Variants in IL1RAPL1 observed in about 807,000 individuals in gnomAD.
IL1RAPL1 encodes the protein interleukin-1 receptor accessory protein-like 1.
A neutral mutation model predicts 48.4 loss-of-function variants in IL1RAPL1; 3 were observed. The ratio of observed to expected loss-of-function variants is 0.06; its 90% CI spans 0.03 to 0.16. The LOEUF (loss-of-function observed/expected upper bound fraction) is 0.16. IL1RAPL1 is among the 10% of genes least tolerant of loss of function. IL1RAPL1 has a pLI of 1.00. For missense variants in IL1RAPL1, 349 were observed against 530.6 expected (o/e 0.66, Z 3.36); for synonymous variants, 185 against 187.7 (o/e 0.99, Z 0.12).
At chrX:29,577,366 C>A (rs1922810888) in intron 5 of IL1RAPL1, among the ~76,000 whole-genome samples, 1 of 111,558 alleles carries the variant, frequency 9.0e-6, no homozygotes, top group South Asian at 3.8e-4. Flanking sequence ...CAATGCCCTA[C>A]CCAAGCCTGT....
chrX:29,688,703 C>T (rs1165740765), intron 6 of IL1RAPL1, among the ~76,000 whole-genome samples: 1 of 107,330 alleles, frequency 9.3e-6, no homozygotes, highest in Non-Finnish European at 1.9e-5. Flanking sequence ...AACAAGACCC[C>T]TCATTCAATA....
At chrX:29,905,292 A>C (rs1932586293) in intron 6 of IL1RAPL1, among the ~76,000 whole-genome samples, 1 of 110,285 alleles carries the variant, frequency 9.1e-6, no homozygotes, top group African/African-American at 3.3e-5. Context: ...GGGTAGATTG[A>C]ACTTTCTCCC....
intron 5 of IL1RAPL1, among the ~76,000 whole-genome samples, chrX:29,460,439 T>C (rs1934789637): frequency 8.9e-6 from 1 of 112,182 alleles, no homozygotes; most frequent in South Asian, 3.7e-4. Context: ...AATTTCTTCC[T>C]GCAACTATTG....
intron 2 of IL1RAPL1, among the ~76,000 whole-genome samples, chrX:28,897,930 G>A (rs1477885342): frequency 9.0e-6 from 1 of 111,185 alleles, no homozygotes; most frequent in South Asian, 3.8e-4. Flanking sequence ...GGTGCTCAGT[G>A]GGGGAGCTTT....
intron 5 of IL1RAPL1, among the ~76,000 whole-genome samples, chrX:29,665,215 TGTGA>T (rs1925966602): frequency 8.9e-6 from 1 of 112,513 alleles, no homozygotes; most frequent in Non-Finnish European, 1.9e-5. Flanking sequence ...GATTTCCATT[TGTGA>T]GTGAGTGTGC....
chrX:28,912,023 C>T (rs957820302), intron 2 of IL1RAPL1, among the ~76,000 whole-genome samples: 1 of 103,554 alleles, frequency 9.7e-6, no homozygotes, highest in East Asian at 3.0e-4. Flanking sequence ...CAATAACATA[C>T]GAGATGGTAG....
At chrX:29,265,126 T>G (rs986011695) in intron 2 of IL1RAPL1, among the ~76,000 whole-genome samples, 2 of 110,931 alleles carry the variant, frequency 1.8e-5, no homozygotes, top group African/African-American at 3.3e-5. Flanking sequence ...TTGGTCAGGC[T>G]GGTCTCGAAC....
Position 29,929,686 on chromosome X carries a change from T to C in IL1RAPL1, c.1057+9592T>C, listed in dbSNP as rs75873672. ...CGACTTACAATGGTTGCCAAATTCA[T>C]GCAAACTAAAGTGGAAGAGGCCATT... is the stretch of plus-strand genomic sequence containing the variant. On this transcript the variant is annotated intron_variant, in intron 8 of 10. Coordinates refer to ENST00000378993, the MANE Select transcript of IL1RAPL1 (RefSeq NM_014271.4). 6.5e-4 allele frequency among the ~76,000 whole-genome samples: 73 copies of C among 111,878 alleles called. 1 individual carries two copies. The East Asian group carries it at 0.02, about 30-fold the overall frequency.
intron 6 of IL1RAPL1, among the ~76,000 whole-genome samples, chrX:29,905,829 A>G (rs940029333): frequency 6.3e-5 from 7 of 111,586 alleles, no homozygotes; most frequent in Non-Finnish European, 1.3e-4. Flanking sequence ...CATGTTAAAA[A>G]ATTTTTTGCT....
chrX:29,027,109 A>G (rs948772297), intron 2 of IL1RAPL1, among the ~76,000 whole-genome samples: 2 of 111,771 alleles, frequency 1.8e-5, no homozygotes, highest in Non-Finnish European at 3.8e-5. Context: ...GGGTTTGGAC[A>G]AATGTGTAAT....
intron 5 of IL1RAPL1, among the ~76,000 whole-genome samples, chrX:29,532,445 C>T (rs1921075246): frequency 1.8e-5 from 2 of 111,994 alleles, no homozygotes; most frequent in African/African-American, 6.5e-5. Flanking sequence ...AGCCCACTTA[C>T]TCTCTACTCT....
At chrX:29,943,962 TAACA>T (rs1403728990) in intron 9 of IL1RAPL1, among the ~76,000 whole-genome samples, 1 of 111,861 alleles carries the variant, frequency 8.9e-6, no homozygotes, top group African/African-American at 3.3e-5. Flanking sequence ...AGACAGACAC[TAACA>T]AACAGTATTC....
At position 29,005,230 on chromosome X, in the gene IL1RAPL1, C is replaced by G. The variant is rs1053253516; in HGVS notation, c.82+215805C>G. Reference sequence around the variant, plus strand: ...ATCTACTAATTCATTATTATTGGTACGTTAGATGTTTTTCAAAAAAATACT... The same window carrying G: ...ATCTACTAATTCATTATTATTGGTAGGTTAGATGTTTTTCAAAAAAATACT... On this transcript the variant is annotated intron_variant, in intron 2 of 10. Transcript: ENST00000378993. Among the ~76,000 whole-genome samples, 3 of 111,632 alleles carry G rather than the reference C, an allele frequency of 2.7e-5. No homozygotes were observed. The Admixed American group carries it at 2.9e-4, about 11-fold the overall frequency.
intron 3 of IL1RAPL1, among the ~76,000 whole-genome samples, chrX:29,329,883 GC>G (rs2147632680): frequency 9.1e-6 from 1 of 109,627 alleles, no homozygotes; most frequent in African/African-American, 3.3e-5. Flanking sequence ...ATTATGCTGA[GC>G]TAAAGAAGGC....
At chrX:28,713,007 A>T (rs1935458924) in intron 1 of IL1RAPL1, among the ~76,000 whole-genome samples, 1 of 111,459 alleles carries the variant, frequency 9.0e-6, no homozygotes, top group South Asian at 3.7e-4. Context: ...AAGATAAAAA[A>T]TTTCTTGTTC....
chrX:28,674,771 T>C (rs760272121), intron 1 of IL1RAPL1, among the ~76,000 whole-genome samples: 4 of 111,789 alleles, frequency 3.6e-5, no homozygotes, highest in Non-Finnish European at 7.5e-5. Context: ...TCTTAGCCCA[T>C]TGTAAAGTTA....
At chrX:29,263,372 T>C (rs1056396643) in intron 2 of IL1RAPL1, among the ~76,000 whole-genome samples, 2 of 112,324 alleles carry the variant, frequency 1.8e-5, no homozygotes, top group African/African-American at 6.5e-5. Context: ...CAGTTAATAC[T>C]CAGTTACCTT....
chrX:28,723,165 ATGGTTC>A (rs1935612625), intron 1 of IL1RAPL1, among the ~76,000 whole-genome samples: 1 of 111,307 alleles, frequency 9.0e-6, no homozygotes, highest in East Asian at 2.8e-4. Flanking sequence ...TTCAGAAGGT[ATGGTTC>A]CATCTCCTCC....
At chrX:29,481,989 T>C (rs1364940851) in intron 5 of IL1RAPL1, among the ~76,000 whole-genome samples, 1 of 111,934 alleles carries the variant, frequency 8.9e-6, no homozygotes, top group Admixed American at 9.5e-5. Flanking sequence ...TGCTTCACCT[T>C]TTTAAAAAAC....
Sources: allele counts gnomAD v4.1 joint callset (sites outside exome capture counted in the v4.1 genomes callset), GRCh38; gene constraint gnomAD v4.1.1; transcripts MANE v1.5; gene names NCBI Gene and HGNC (gene_info 2026-07-23, HGNC 2026-07-21).